The following ERAP1 variants were observed in gnomAD, a reference collection of about 807,000 sequenced individuals.
ERAP1 encodes endoplasmic reticulum aminopeptidase 1, also known as adipocyte-derived leucine aminopeptidase.
In ERAP1, 86 loss-of-function variants were observed where a neutral mutation model predicts 103.7. The observed-to-expected ratio is 0.83, with a 90% confidence interval of 0.70 to 0.99. The LOEUF (loss-of-function observed/expected upper bound fraction) is 0.99, where lower values mean the gene tolerates loss of function less well. Among genes scored for constraint, ERAP1 ranks in the 50% least tolerant of loss-of-function variants. The pLI, the probability that ERAP1 is intolerant of heterozygous loss-of-function variation, is 0.00. For synonymous variants in ERAP1, 398 were observed against 402.4 expected, an observed-to-expected ratio of 0.99 and a Z score of 0.13; for missense variants, 1,009 against 1,128.4, an observed-to-expected ratio of 0.89 and a Z score of 1.52.
chr5:96,896,126 G>A, the ERAP1 span, among the ~76,000 whole-genome samples: 3 of 151,962 alleles, frequency 2.0e-5, no homozygotes, highest in Admixed American at 2.0e-4. Flanking sequence ...TTCAAGGGCT[G>A]GTACATGATA....
At chr5:96,907,022 C>T in the ERAP1 span, among the ~76,000 whole-genome samples, 37 of 152,126 alleles carry the variant, frequency 2.4e-4, no homozygotes, top group Admixed American at 1.0e-3. Context: ...GAGTGAAACT[C>T]CATCTCAAAA....
chr5:96,785,386 C>G lies in ERAP1; in HGVS notation c.1943+402G>C, dbSNP rs77244562. On this transcript the variant is annotated intron_variant, in intron 13 of 18. Transcript: ENST00000443439. ...ACAACTTGGGCCTGTGTCACTTAGT[C>G]TTCTAAGAAGACTTCAAGGCTGTTA... The G allele has an allele frequency of 5.4e-3, 1,435 of 263,318 alleles. 28 individuals are homozygous for G. Among genetic ancestry groups the G allele is most frequent in the African/African-American group, 0.03 (1,359 of 44,752 alleles). 16.3% of individuals were successfully genotyped at this position (263,318 alleles called of 1,614,324 possible).
intron 14 of ERAP1, 90 bp downstream of exon 14, chr5:96,783,818 TACACACACACACACAC>T (rs3076640): frequency 0.095 from 74,839 of 786,718 alleles, 2,390 homozygotes; most frequent in Middle Eastern, 0.16. Context: ...TATATAAAGA[TACACACACACACACAC>T]ACACACACAC....
At chr5:96,917,339 T>C in the ERAP1 span, 7 of 764,624 alleles carry the variant, frequency 9.2e-6, no homozygotes, top group South Asian at 1.9e-5. Flanking sequence ...TAGGCTCGTA[T>C]TGAACTCCTG....
the ERAP1 span, among the ~76,000 whole-genome samples, chr5:96,925,911 CTTTTTTTTTTT>C: frequency 8.5e-5 from 9 of 105,672 alleles, no homozygotes; most frequent in South Asian, 3.1e-4. Context: ...GTATAATTTG[CTTTTTTTTTTT>C]TTTTTTTTTT....
chr5:96,872,899 G>T, the ERAP1 span, among the ~76,000 whole-genome samples: 1 of 152,124 alleles, frequency 6.6e-6, no homozygotes, highest in Admixed American at 6.5e-5. Flanking sequence ...ATATTTAATA[G>T]AAATTCTCGG....
the ERAP1 span, chr5:96,934,367 G>C: frequency 6.6e-6 from 1 of 152,210 alleles, no homozygotes; most frequent in African/African-American, 2.4e-5. Context: ...TGACAAGATG[G>C]AATCAGTAGG....
the ERAP1 span, chr5:96,912,550 T>G: frequency 0.049 from 43,744 of 889,100 alleles, 1,313 homozygotes; most frequent in Middle Eastern, 0.096. Context: ...GTTCAGAGAT[T>G]ATTGTGTTAT....
At chr5:96,776,719 C>T in intron 18 of ERAP1, 168 bp from the exon 19 acceptor site, 1 of 873,848 alleles carries the variant, frequency 1.1e-6, no homozygotes. Context: ...GAAATGAGCT[C>T]ATGCCTCATG....
chr5:96,892,156 C>T, the ERAP1 span: 2 of 749,762 alleles, frequency 2.7e-6, no homozygotes, highest in Non-Finnish European at 4.3e-6. Context: ...ATAAGACACC[C>T]TGTCAATGTT....
chr5:96,870,372 G>A, the ERAP1 span, among the ~76,000 whole-genome samples: 3 of 152,242 alleles, frequency 2.0e-5, no homozygotes, highest in East Asian at 5.8e-4. Flanking sequence ...CCACAAAAAT[G>A]ACCAAACATC....
the ERAP1 span, among the ~76,000 whole-genome samples, chr5:96,816,455 T>C: frequency 1.3e-5 from 2 of 152,084 alleles, no homozygotes; most frequent in African/African-American, 4.8e-5. Context: ...CAGGAAGAAA[T>C]GTGGTTAAGA....
At chr5:96,924,937 T>C in the ERAP1 span, among the ~76,000 whole-genome samples, 1 of 152,290 alleles carries the variant, frequency 6.6e-6, no homozygotes, top group South Asian at 2.1e-4. Flanking sequence ...CTTCTGACTT[T>C]TATGGAAGAA....
At chr5:96,886,537 G>A in the ERAP1 span, 1 of 758,826 alleles carries the variant, frequency 1.3e-6, no homozygotes, top group African/African-American at 1.8e-5. Flanking sequence ...CCCCTAGGAG[G>A]TCATCGATTG....
At chr5:96,843,769 G>A in the ERAP1 span, among the ~76,000 whole-genome samples, 23 of 152,234 alleles carry the variant, frequency 1.5e-4, no homozygotes, top group African/African-American at 5.3e-4. Flanking sequence ...GCCATTCGTT[G>A]TTCTAAATTT....
chr5:96,911,790 G>A, the ERAP1 span, among the ~76,000 whole-genome samples: 2 of 149,524 alleles, frequency 1.3e-5, no homozygotes, highest in East Asian at 2.0e-4. Context: ...AGAGGATTGT[G>A]CAGGAGGCTG....
At chr5:96,791,187 C>T (rs1159566442) in intron 8 of ERAP1, among the ~76,000 whole-genome samples, 1 of 152,154 alleles carries the variant, frequency 6.6e-6, no homozygotes, top group Non-Finnish European at 1.5e-5. Context: ...CCCAGACACC[C>T]TGTATTCCTT....
the ERAP1 span, among the ~76,000 whole-genome samples, chr5:96,842,737 A>G: frequency 1.3e-5 from 2 of 151,748 alleles, no homozygotes; most frequent in Admixed American, 6.6e-5. Flanking sequence ...TTGTCTGTCT[A>G]CTCTGCTGAT....
the ERAP1 span, among the ~76,000 whole-genome samples, chr5:96,832,734 C>T: frequency 6.6e-6 from 1 of 152,152 alleles, no homozygotes; most frequent in South Asian, 2.1e-4. Context: ...TATCATTGTA[C>T]GTACAAAGAG....
Sources: gnomAD v4.1 joint callset for allele counts (sites outside exome capture counted in the v4.1 genomes callset) on GRCh38, gnomAD v4.1.1 for gene constraint, MANE v1.5 for transcripts, NCBI Gene and HGNC (gene_info 2026-07-23, HGNC 2026-07-21) for gene names.